Variants in APOL1 observed in about 807,000 individuals in gnomAD.
The protein encoded by APOL1 is apolipoprotein L 1.
Under a neutral mutation model 14.9 loss-of-function variants are expected in APOL1, and 17 were observed. The observed-to-expected ratio is 1.14, with a 90% CI of 0.78 to 1.71. APOL1 has a LOEUF of 1.71. Ranked by LOEUF, APOL1 falls within the 40% of genes most tolerant of loss-of-function variation. APOL1 has a pLI of 0.00. For missense variants in APOL1, 523 were observed against 485.9 expected (o/e 1.08, Z -0.72); for synonymous variants, 195 against 184.8 (o/e 1.05, Z -0.45).
At chr22:36,264,813 T>C (rs1250151954) in intron 5 of APOL1, among the ~76,000 whole-genome samples, 1 of 146,042 alleles carries the variant, frequency 6.8e-6, no homozygotes, top group Non-Finnish European at 1.5e-5. Context: ...TGCATTTCTT[T>C]TTTTTTTTTT....
chr22:36,253,574 G>A (rs986310307), intron 1 of APOL1, among the ~76,000 whole-genome samples: 1 of 152,256 alleles, frequency 6.6e-6, no homozygotes, highest in African/African-American at 2.4e-5. Flanking sequence ...ATCCCAGCCT[G>A]TTCTTATGGC....
chr22:36,258,353 C>A (rs2015961316), intron 4 of APOL1, among the ~76,000 whole-genome samples: 1 of 152,206 alleles, frequency 6.6e-6, no homozygotes, highest in Admixed American at 6.5e-5. Flanking sequence ...CTGGAGGAGG[C>A]TTCGTGCTAT....
At chr22:36,261,536 A>T (rs1284316088) in intron 4 of APOL1, 60 bp from the exon 5 acceptor site, 1 of 1,537,378 alleles carries the variant, frequency 6.5e-7, no homozygotes, top group East Asian at 2.3e-5. Flanking sequence ...TCTCTTATGC[A>T]ATGGCTGTTA....
intron 4 of APOL1, among the ~76,000 whole-genome samples, chr22:36,258,281 C>G (rs1289561085): frequency 1.3e-5 from 2 of 152,158 alleles, no homozygotes; most frequent in Non-Finnish European, 2.9e-5. Flanking sequence ...AAATCTGAGG[C>G]CCAATAGAAT....
In APOL1 at chr22:36,265,664, A is replaced by G. The variant is rs1368771734; in HGVS notation, c.828A>G (p.Thr276=). 6.2e-7 allele frequency: 1 copy of G among 1,602,162 alleles called. No individual in the cohort carries two copies. The highest frequency in any genetic ancestry group is 1.3e-5 in the African/African-American group (1 of 74,768). The stretch of plus-strand genomic sequence containing the variant: ...TAGCTGGCAATACTTACCAACTCAC[A>G]CGAGGCATTGGGAAGGACATCCGTG... ...LSLAGNTYQL[T]RGIGKDIRAL... Residue 276 remains threonine, a synonymous_variant, in exon 6 of 6, where the codon ACA becomes ACG. Coordinates refer to ENST00000397278, the MANE Select transcript of APOL1 (RefSeq NM_003661.4).
chr22:36,267,159 T>TG lies in APOL1; in HGVS notation c.*1131dup, dbSNP rs1024961134. The TG allele has an allele frequency of 1.3e-5, 2 of 152,408 alleles. No individual in the cohort carries two copies. The highest frequency in any genetic ancestry group is 4.8e-5 in the African/African-American group (2 of 41,438). The allele number at this position is 152,408 out of a possible 1,614,324, so 9.4% of individuals were successfully genotyped here. On this transcript the variant is annotated 3_prime_UTR_variant, in exon 6 of 6. Transcript: ENST00000397278. The stretch of plus-strand genomic sequence containing the variant: ...CAGCATCCACTCTCCCTTGTCCTCC[T>TG]GGGGGCATATCTCAGTCAGGCAGCG...
chr22:36,266,529 G>A lies in APOL1; in HGVS notation c.*496G>A. On this transcript the variant is annotated 3_prime_UTR_variant, in exon 6 of 6. Coordinates refer to ENST00000397278, the MANE Select transcript of APOL1 (RefSeq NM_003661.4). ...ATGGCAGTGCAGCAAGGAGAAGGCA[G>A]GAACATTGGAGCCTGCAATAAGGGA... 1 of 400,168 alleles carries A rather than the reference G, an allele frequency of 2.5e-6. No homozygotes were observed. The highest frequency in any genetic ancestry group is 1.3e-4 in the South Asian group (1 of 7,916). 24.8% of individuals were successfully genotyped at this position (400,168 alleles called of 1,614,324 possible).
chr22:36,257,656 A>C, intron 4 of APOL1: 1 of 363,592 alleles, frequency 2.8e-6, no homozygotes, highest in South Asian at 3.1e-5. Flanking sequence ...CTAGCAAATG[A>C]CTCAAGTGGG....
intron 5 of APOL1, among the ~76,000 whole-genome samples, chr22:36,261,998 C>G (rs1216607930): frequency 6.6e-6 from 1 of 152,236 alleles, no homozygotes; most frequent in Admixed American, 6.5e-5. Flanking sequence ...CACTTTCAGC[C>G]TTTCTTCATC....
At chr22:36,255,322 C>T (rs1301406278) in intron 2 of APOL1, among the ~76,000 whole-genome samples, 1 of 152,282 alleles carries the variant, frequency 6.6e-6, no homozygotes, top group Non-Finnish European at 1.5e-5. Flanking sequence ...TCTCTCTACC[C>T]TCCTGCTCCT....
rs575163164 is a variant in APOL1, at chr22:36,266,379, G to A, written c.*346G>A. The A allele has an allele frequency of 5.2e-5, 21 of 404,686 alleles. No homozygotes were observed. The highest frequency in any genetic ancestry group is 7.8e-5 in the Non-Finnish European group (18 of 229,478). The allele number at this position is 404,686 out of a possible 1,614,324, so 25.1% of individuals were successfully genotyped here. ...GCTGGGATTACAGGCGTGAGCCATCGCTTTTGACCCAAATGCAAACATTTT... is the reference window on the plus strand; with the variant it reads ...GCTGGGATTACAGGCGTGAGCCATCACTTTTGACCCAAATGCAAACATTTT... On this transcript the variant is annotated 3_prime_UTR_variant, in exon 6 of 6. Transcript: ENST00000397278.
intron 1 of APOL1, 137 bp downstream of exon 1, chr22:36,253,356 A>G: frequency 3.9e-6 from 1 of 256,974 alleles, no homozygotes; most frequent in South Asian, 3.8e-5. Context: ...CTTGAGTCTG[A>G]TTGCTTCCCC....
chr22:36,257,007 T>C lies in APOL1; in HGVS notation c.45-76T>C, dbSNP rs1399111720. 4 of 1,511,936 alleles carry C rather than the reference T, an allele frequency of 2.6e-6. No individual in the cohort carries two copies. In the African/African-American group the frequency reaches 5.5e-5, roughly 21 times the overall value. The allele number at this position is 1,511,936 out of a possible 1,614,324, so 93.7% of individuals were successfully genotyped here. A position where few individuals can be genotyped will look rare whatever the true frequency, so the allele number is the denominator to read the frequency against. On this transcript the variant is annotated intron_variant, in intron 2 of 5. Transcript: ENST00000397278. ...ACCTTCCTCCCCATCTCTATTTCTG[T>C]GTATAGACTCTGTAGTTTCTGTAAT... is the stretch of plus-strand genomic sequence containing the variant.
At chr22:36,256,647 A>C (rs2015890606) in intron 2 of APOL1, among the ~76,000 whole-genome samples, 1 of 152,236 alleles carries the variant, frequency 6.6e-6, no homozygotes, top group South Asian at 2.1e-4. Context: ...TTGAGCACAG[A>C]GTGTGAGACA....
Position 36,257,412 on chromosome 22 carries a change from G to A in APOL1, c.187+5G>A. 1.2e-6 allele frequency: 2 copies of A among 1,612,820 alleles called. No individual in the cohort carries two copies. The highest frequency in any genetic ancestry group is 1.7e-6 in the Non-Finnish European group (2 of 1,178,772). ...CTGCTGGCACCATGGACCCAGGTAGGCTCACCTCCTCTTCCCTGCTGGTTC... is the reference window on the plus strand; with the variant it reads ...CTGCTGGCACCATGGACCCAGGTAGACTCACCTCCTCTTCCCTGCTGGTTC... On this transcript the variant is annotated splice_donor_5th_base_variant and intron_variant, in intron 4 of 5. Coordinates refer to ENST00000397278, the MANE Select transcript of APOL1 (RefSeq NM_003661.4).
chr22:36,260,720 C>T (rs948457111), intron 4 of APOL1, among the ~76,000 whole-genome samples: 1 of 152,182 alleles, frequency 6.6e-6, no homozygotes, highest in African/African-American at 2.4e-5. Context: ...ACCATATGCA[C>T]CCCGTGTCCT....
rs1429294524 is a variant in APOL1, at chr22:36,260,030, C to A, written c.188-1566C>A. 4.5e-6 allele frequency: 4 copies of A among 892,200 alleles called. No homozygotes were observed. In the East Asian group the frequency reaches 2.7e-4, roughly 61 times the overall value. 55.3% of individuals were successfully genotyped at this position (892,200 alleles called of 1,614,324 possible). On this transcript the variant is annotated intron_variant, in intron 4 of 5. Transcript: ENST00000397278. ...AGAAACATTGGCCTTGGAGTCAAAT[C>A]CTGAGCTTCCTGCTTGATGGTTTTG... is the stretch of plus-strand genomic sequence containing the variant.
Position 36,265,427 on chromosome 22 carries a change from A to ACCT in APOL1, c.593_594insTCC (p.Pro198dup). 1 of 1,614,002 alleles carries ACCT rather than the reference A, an allele frequency of 6.2e-7. No homozygotes were observed. Among genetic ancestry groups the ACCT allele is most frequent in the African/African-American group, 1.3e-5 (1 of 74,984 alleles). ...TGACCCTCGTCGGCATGGGTCTGGCACCCTTCACAGAGGGAGGCAGCCTTG... is the reference window on the plus strand; with the variant it reads ...TGACCCTCGTCGGCATGGGTCTGGCACCTCCCTTCACAGAGGGAGGCAGCCTTG... On this transcript the variant is annotated inframe_insertion, in exon 6 of 6. Transcript: ENST00000397278.
chr22:36,259,552 G>T, intron 4 of APOL1: 4 of 1,202,248 alleles, frequency 3.3e-6, no homozygotes, highest in Non-Finnish European at 4.3e-6. Context: ...GGGGAGGGCA[G>T]GGAAGATTAG....
Sources: allele counts gnomAD v4.1 joint callset (sites outside exome capture counted in the v4.1 genomes callset), GRCh38; gene constraint gnomAD v4.1.1; transcripts MANE v1.5; gene names NCBI Gene and HGNC (gene_info 2026-07-23, HGNC 2026-07-21).